Variants in TMF1 observed in about 807,000 individuals in gnomAD.
The protein encoded by TMF1 is TATA element modulatory factor.
In TMF1, 71 loss-of-function variants were observed where a neutral mutation model predicts 126.5. The ratio of observed to expected loss-of-function variants is 0.56; its 90% CI spans 0.46 to 0.68. TMF1 has a LOEUF of 0.68. TMF1 is among the 30% of genes least tolerant of loss of function. The pLI is 0.00. For missense variants in TMF1, 1,259 were observed against 1,253.2 expected (o/e 1.00, Z -0.07); for synonymous variants, 461 against 430.5 (o/e 1.07, Z -0.88).
chr3:69,033,450 C>T, intron 10 of TMF1, 98 bp downstream of exon 10: 1 of 1,314,834 alleles, frequency 7.6e-7, no homozygotes. Context: ...CAAAATGTAA[C>T]TATCAGATCA....
In TMF1 at chr3:69,042,899, A is replaced by T. The variant is rs1575817867; in HGVS notation, c.1592T>A (p.Ile531Lys). Residue 531 changes from isoleucine to lysine, a missense_variant, in exon 5 of 17, where the codon ATA (isoleucine) becomes AAA (lysine). Transcript: ENST00000398559. ...RDAAKKEIKNIKEELATRLNS... is the reference protein window; with the variant it reads ...RDAAKKEIKNKKEELATRLNS... ...TAATCTAGTGGCAAGTTCTTCTTTT[A>T]TGTTTTTGATTTCCTAATAAAAAAG... 1 of 1,610,458 alleles carries T rather than the reference A, an allele frequency of 6.2e-7. No homozygotes were observed. The highest frequency in any genetic ancestry group is 8.5e-7 in the Non-Finnish European group (1 of 1,177,550).
intron 5 of TMF1, among the ~76,000 whole-genome samples, chr3:69,040,802 G>A (rs540821439): frequency 6.6e-6 from 1 of 152,032 alleles, no homozygotes; most frequent in African/African-American, 2.4e-5. Context: ...GGTAGCTATA[G>A]TCTCAGCTAT....
chr3:69,051,621 G>C (rs1294497392), intron 1 of TMF1, among the ~76,000 whole-genome samples: 1 of 152,136 alleles, frequency 6.6e-6, no homozygotes, highest in African/African-American at 2.4e-5. Context: ...CGAGGTTCAG[G>C]TTCGGGAAGG....
rs1337892323 is a variant in TMF1, at chr3:69,020,131, C to T, written c.*3046G>A. 6.6e-6 allele frequency: 1 copy of T among 152,006 alleles called. No individual in the cohort carries two copies. Among genetic ancestry groups the T allele is most frequent in the Non-Finnish European group, 1.5e-5 (1 of 67,972 alleles). 9.4% of individuals were successfully genotyped at this position (152,006 alleles called of 1,614,324 possible). A position where few individuals can be genotyped will look rare whatever the true frequency, so the allele number is the denominator to read the frequency against. On this transcript the variant is annotated 3_prime_UTR_variant, in exon 17 of 17. Coordinates refer to ENST00000398559, the MANE Select transcript of TMF1 (RefSeq NM_007114.3). ...TTTTCTAAATATTATAAATCATATA[C>T]TTTTAATAAGCATTCAAATAAAACT... is the stretch of plus-strand genomic sequence containing the variant.
intron 8 of TMF1, 159 bp from the exon 9 acceptor site, chr3:69,035,274 A>T: frequency 1.6e-6 from 1 of 606,168 alleles, no homozygotes; most frequent in Non-Finnish European, 2.9e-6. Context: ...CTCATTCATC[A>T]AGCAATTCTA....
chr3:69,026,680 G>C (rs1276736082), intron 13 of TMF1, among the ~76,000 whole-genome samples: 1 of 148,678 alleles, frequency 6.7e-6, no homozygotes, highest in Non-Finnish European at 1.5e-5. Context: ...AGCTAGACTT[G>C]GTTAGATCAT....
intron 6 of TMF1, 45 bp from the exon 7 acceptor site, chr3:69,039,054 A>G: frequency 7.4e-7 from 1 of 1,351,202 alleles, no homozygotes; most frequent in Non-Finnish European, 1.0e-6. Flanking sequence ...AAGAAATAAT[A>G]CCATGGTAAA....
chr3:69,033,240 C>T (rs1323722993), intron 10 of TMF1, among the ~76,000 whole-genome samples: 1 of 137,372 alleles, frequency 7.3e-6, no homozygotes, highest in Admixed American at 7.9e-5. Flanking sequence ...CGCCACTGCA[C>T]TCCAGCCTCA....
At chr3:69,042,609 C>G (rs1417862730) in intron 5 of TMF1, 198 bp downstream of exon 5, 2 of 677,002 alleles carry the variant, frequency 3.0e-6, no homozygotes, top group Admixed American at 2.0e-5. Context: ...TTCCAAAAAA[C>G]AAAAGCTAGA....
At chr3:69,024,558 A>C (rs2091756502) in intron 15 of TMF1, among the ~76,000 whole-genome samples, 1 of 152,144 alleles carries the variant, frequency 6.6e-6, no homozygotes, top group African/African-American at 2.4e-5. Context: ...GGTTGTATCG[A>C]CAGAGGCTTT....
In TMF1 at chr3:69,052,183, A is replaced by C; in HGVS notation, c.-97T>G. On this transcript the variant is annotated 5_prime_UTR_variant, in exon 1 of 17. Coordinates refer to ENST00000398559, the MANE Select transcript of TMF1 (RefSeq NM_007114.3). ...AGGAACGGCTTCGCTCCCCTTTTCC[A>C]CTCGGCTGGTTCTGTCAGCGTGTGG... 10 of 1,349,836 alleles carry C rather than the reference A, an allele frequency of 7.4e-6. No individual in the cohort carries two copies. The highest frequency in any genetic ancestry group is 1.5e-5 in the South Asian group (1 of 66,818). 83.6% of individuals were successfully genotyped at this position (1,349,836 alleles called of 1,614,324 possible). A position where few individuals can be genotyped will look rare whatever the true frequency, so the allele number is the denominator to read the frequency against.
Position 69,029,841 on chromosome 3 carries a change from C to T in TMF1, c.2568G>A (p.Leu856=), listed in dbSNP as rs768537473. 8.7e-6 allele frequency: 14 copies of T among 1,612,738 alleles called. No individual in the cohort carries two copies. Among genetic ancestry groups the T allele is most frequent in the African/African-American group, 1.3e-5 (1 of 74,846 alleles). The change falls in exon 11 of 17, where the codon CTG becomes CTA. Residue 856 remains leucine (L), a synonymous_variant. Transcript: ENST00000398559. ...QAQLESEKNR[L]CKLEDENNRY... ...TATTGTTCTCATCCTCCAGTTTACA[C>T]AGCCTATTTTTCTCTGATTCTAGCT...
At chr3:69,024,276 T>G in intron 15 of TMF1, 96 bp from the exon 16 acceptor site, 2 of 1,216,606 alleles carry the variant, frequency 1.6e-6, no homozygotes, top group Non-Finnish European at 2.2e-6. Flanking sequence ...TGGTTTTTTT[T>G]TTTTTTTTGA....
chr3:69,023,999 T>C, intron 16 of TMF1, 56 bp downstream of exon 16: 1 of 1,495,252 alleles, frequency 6.7e-7, no homozygotes, highest in East Asian at 2.4e-5. Context: ...AAACATGAGA[T>C]TTAAAGTAAA....
intron 16 of TMF1, among the ~76,000 whole-genome samples, chr3:69,023,606 G>A (rs1221162541): frequency 2.0e-5 from 3 of 152,034 alleles, no homozygotes; most frequent in African/African-American, 7.2e-5. Context: ...AAGCACACTT[G>A]ATATAAAATT....
In TMF1 at chr3:69,025,545, T is replaced by G; in HGVS notation, c.3012+15A>C. 6.2e-7 allele frequency: 1 copy of G among 1,600,986 alleles called. No homozygotes were observed. Among genetic ancestry groups the G allele is most frequent in the Non-Finnish European group, 8.5e-7 (1 of 1,174,448 alleles). On this transcript the variant is annotated intron_variant, in intron 15 of 16. Transcript: ENST00000398559. ...ACTTCATTTACTTCTATAGCAAATTTAATTTTTCCAATACCTGTAAATGAG... is the reference window on the plus strand; with the variant it reads ...ACTTCATTTACTTCTATAGCAAATTGAATTTTTCCAATACCTGTAAATGAG...
Position 69,033,671 on chromosome 3 carries a change from G to C in TMF1, c.2278C>G (p.Leu760Val). The C allele has an allele frequency of 6.2e-7, 1 of 1,612,772 alleles. No homozygotes were observed. Among genetic ancestry groups the C allele is most frequent in the Non-Finnish European group, 8.5e-7 (1 of 1,179,654 alleles). Residue 760 changes from leucine (L) to valine (V), a missense_variant, in exon 10 of 17, where the codon CTG (leucine) becomes GTG (valine). Physicochemically the swap from Leu to Val is conservative, Grantham distance 32. Transcript: ENST00000398559. ...GTTGTTGATGAAACACTTTGACTCA[G>C]TTCCTGGTTTCGATTCTCTGCTTCC... ...LQEAENRNQE[L>V]SQSVSSTTRP...
chr3:69,039,553 G>C lies in TMF1; in HGVS notation c.1825C>G (p.Gln609Glu). 1 of 1,610,778 alleles carries C rather than the reference G, an allele frequency of 6.2e-7. No homozygotes were observed. Among genetic ancestry groups the C allele is most frequent in the Non-Finnish European group, 8.5e-7 (1 of 1,179,326 alleles). Residue 609 changes from glutamine to glutamate, a missense_variant and splice_region_variant, in exon 6 of 17, where the codon CAG (glutamine) becomes GAG (glutamate). By Grantham distance (29) the Gln-to-Glu change is conservative. Coordinates refer to ENST00000398559, the MANE Select transcript of TMF1 (RefSeq NM_007114.3). ...AGAGAATTATGATTGCTATTCACCT[G>C]TTTCAAATGCTGCAACTCCTCTTCT... ...ELEEELQHLK[Q>E]VLDGKEEVEK...
intron 1 of TMF1, 103 bp from the exon 2 acceptor site, chr3:69,048,665 C>A: frequency 9.2e-7 from 1 of 1,084,882 alleles, no homozygotes; most frequent in Non-Finnish European, 1.3e-6. Context: ...AAAAAATACC[C>A]TATGAAATAC....
Sources: allele counts gnomAD v4.1 joint callset (sites outside exome capture counted in the v4.1 genomes callset), GRCh38; gene constraint gnomAD v4.1.1; transcripts MANE v1.5; gene names NCBI Gene and HGNC (gene_info 2026-07-23, HGNC 2026-07-21).